ACOT4: variants seen among roughly 807,000 people sequenced by gnomAD.
The protein encoded by ACOT4 is peroxisomal succinyl-coenzyme A thioesterase.
A neutral mutation model predicts 17.1 loss-of-function variants in ACOT4; 18 were observed. The observed-to-expected ratio is 1.05, with a 90% confidence interval of 0.73 to 1.56. ACOT4 has a LOEUF of 1.56. ACOT4 is among the 40% of genes most tolerant of loss of function. The pLI is 0.00. For synonymous variants in ACOT4, 234 were observed against 236.6 expected (o/e 0.99, Z 0.10); for missense variants, 574 against 557.2 (o/e 1.03, Z -0.30).
intron 2 of ACOT4, 114 bp from the exon 3 acceptor site, chr14:73,594,935 C>A: frequency 7.8e-7 from 1 of 1,287,634 alleles, no homozygotes; most frequent in Non-Finnish European, 1.1e-6. Flanking sequence ...AAACTCCTGA[C>A]CTCAAGTGAT....
In ACOT4 at chr14:73,593,014, C is replaced by T. The variant is rs938265194; in HGVS notation, c.457+598C>T. Among the ~76,000 whole-genome samples the T allele has an allele frequency of 3.3e-5, 5 of 152,226 alleles. No homozygotes were observed. In the South Asian group the frequency reaches 8.3e-4, roughly 25 times the overall value. ...GTCGTCAGGTACATTATCCACTTTG[C>T]TATTAATCACTACCCTACAGATTTC... On this transcript the variant is annotated intron_variant, in intron 1 of 2. Transcript: ENST00000326303.
Position 73,592,308 on chromosome 14 carries a change from G to A in ACOT4, c.349G>A (p.Gly117Arg), listed in dbSNP as rs906530384. The A allele has an allele frequency of 6.2e-7, 1 of 1,611,310 alleles. No individual in the cohort carries two copies. The change falls in exon 1 of 3, where the codon GGA (glycine) becomes AGA (arginine). Residue 117 changes from glycine to arginine, a missense_variant. By Grantham distance (125) the Gly-to-Arg change is moderately radical. Transcript: ENST00000326303. ...EVLDGHDPEP[G>R]RLLCQAQHER... The stretch of plus-strand genomic sequence containing the variant: ...GCTGGACGGCCACGACCCCGAGCCT[G>A]GACGGCTGCTGTGCCAGGCGCAGCA...
Position 73,593,757 on chromosome 14 carries a change from G to A in ACOT4, c.513G>A (p.Leu171=), listed in dbSNP as rs1890195450. 1.2e-6 allele frequency: 2 copies of A among 1,613,852 alleles called. No individual in the cohort carries two copies. The change falls in exon 2 of 3, where the codon TTG becomes TTA. Residue 171 remains leucine, a synonymous_variant. Transcript: ENST00000326303. ...TCTTTGGTATTGGAGGGGGCCTCTTGGAATATCGAGCCAGCCTCCTTGCTG... is the reference window on the plus strand; with the variant it reads ...TCTTTGGTATTGGAGGGGGCCTCTTAGAATATCGAGCCAGCCTCCTTGCTG... ...IDIFGIGGGL[L]EYRASLLAGH...
rs1352104078 is a variant in ACOT4 at position 73,592,022 on chromosome 14, T to G, written c.63T>G (p.Ile21Met). ...GRCCWNEPVRIAVRGLAPEQR... is the reference protein window; with the variant it reads ...GRCCWNEPVRMAVRGLAPEQR... The stretch of plus-strand genomic sequence containing the variant: ...GCTGCTGGAACGAGCCGGTGCGCAT[T>G]GCCGTGCGCGGCCTGGCCCCGGAGC... The change falls in exon 1 of 3, where the codon ATT becomes ATG. Residue 21 changes from isoleucine to methionine, a missense_variant. Physicochemically the swap from Ile to Met is conservative, Grantham distance 10 (BLOSUM62 1). Coordinates refer to ENST00000326303, the MANE Select transcript of ACOT4 (RefSeq NM_152331.4). 7.6e-6 allele frequency: 11 copies of G among 1,442,310 alleles called. No individual in the cohort carries two copies. The highest frequency in any genetic ancestry group is 1.0e-5 in the Non-Finnish European group (11 of 1,100,064). 89.3% of individuals were successfully genotyped at this position (1,442,310 alleles called of 1,614,324 possible). A position where few individuals can be genotyped will look rare whatever the true frequency, so the allele number is the denominator to read the frequency against.
In ACOT4 at chr14:73,594,158, TCTA is replaced by T. The variant is rs538868189; in HGVS notation, c.660+257_660+259del. Among the ~76,000 whole-genome samples the T allele has an allele frequency of 2.6e-3, 398 of 152,356 alleles. 8 individuals are homozygous for T. In the South Asian group the frequency reaches 0.042, roughly 16 times the overall value. On this transcript the variant is annotated intron_variant, in intron 2 of 2. Transcript: ENST00000326303. ...TGTATATTGCAAATTGAATTTCTAA[TCTA>T]CTGTCTTTGCATGCTTGTTTTTAAA...
Position 73,593,768 on chromosome 14 carries a change from C to T in ACOT4, c.524C>T (p.Ala175Val). 1 of 1,613,888 alleles carries T rather than the reference C, an allele frequency of 6.2e-7. No homozygotes were observed. The highest frequency in any genetic ancestry group is 1.1e-5 in the South Asian group (1 of 91,064). ...GIGGGLLEYR[A>V]SLLAGHGFAT... ...GGAGGGGGCCTCTTGGAATATCGAG[C>T]CAGCCTCCTTGCTGGCCATGGCTTT... Residue 175 changes from alanine to valine, a missense_variant, in exon 2 of 3, where the codon GCC becomes GTC. Transcript: ENST00000326303.
chr14:73,592,867 GAAAAAA>G (rs1041308970), intron 1 of ACOT4, among the ~76,000 whole-genome samples: 1 of 151,800 alleles, frequency 6.6e-6, no homozygotes, highest in Admixed American at 6.6e-5. Context: ...AAAGAAAAAA[GAAAAAA>G]AAGGATTTTT....
chr14:73,593,928 A>G, intron 2 of ACOT4, 24 bp downstream of exon 2: 1 of 1,583,772 alleles, frequency 6.3e-7, no homozygotes, highest in Non-Finnish European at 8.6e-7. Flanking sequence ...CCTTTATTTA[A>G]TCAGTCTCTC....
rs775576312 is a variant in ACOT4 at position 73,595,543 on chromosome 14, T to G, written c.1155T>G (p.Gly385=). The change falls in exon 3 of 3, where the codon GGT becomes GGG. Residue 385 remains glycine, a synonymous_variant. Coordinates refer to ENST00000326303, the MANE Select transcript of ACOT4 (RefSeq NM_152331.4). The part of the protein sequence containing the change: ...HRLLNKHVIW[G]GEPRAHSKAQ... Reference sequence around the variant, plus strand: ...TACTGAACAAACATGTTATATGGGGTGGGGAGCCCAGGGCTCATTCTAAGG... The same window carrying G: ...TACTGAACAAACATGTTATATGGGGGGGGGAGCCCAGGGCTCATTCTAAGG... 8 of 1,609,052 alleles carry G rather than the reference T, an allele frequency of 5.0e-6. No homozygotes were observed. The highest frequency in any genetic ancestry group is 6.8e-6 in the Non-Finnish European group (8 of 1,176,090).
intron 1 of ACOT4, among the ~76,000 whole-genome samples, chr14:73,592,683 ACT>A (rs1332687698): frequency 6.6e-6 from 1 of 151,828 alleles, no homozygotes; most frequent in Non-Finnish European, 1.5e-5. Flanking sequence ...TGAAACGCTG[ACT>A]CTACCGAAAA....
Position 73,595,338 on chromosome 14 carries a change from C to G in ACOT4, c.950C>G (p.Pro317Arg). ...SMIPIEKAQG[P>R]ILLIVGQDDH... The stretch of plus-strand genomic sequence containing the variant: ...ATTCCAATAGAGAAGGCCCAGGGGC[C>G]CATCCTGCTCATTGTTGGTCAGGAT... The change falls in exon 3 of 3, where the codon CCC (proline) becomes CGC (arginine). Residue 317 changes from proline (P) to arginine (R), a missense_variant. Pro to Arg is a moderately radical substitution (Grantham distance 103). Coordinates refer to ENST00000326303, the MANE Select transcript of ACOT4 (RefSeq NM_152331.4). The G allele has an allele frequency of 6.2e-7, 1 of 1,614,178 alleles. No individual in the cohort carries two copies. Among genetic ancestry groups the G allele is most frequent in the Non-Finnish European group, 8.5e-7 (1 of 1,180,030 alleles).
Position 73,592,065 on chromosome 14 carries a change from G to A in ACOT4, c.106G>A (p.Ala36Thr), listed in dbSNP as rs2140348852. 6.8e-7 allele frequency: 1 copy of A among 1,479,046 alleles called. No homozygotes were observed. The highest frequency in any genetic ancestry group is 9.0e-7 in the Non-Finnish European group (1 of 1,116,920). 91.6% of individuals were successfully genotyped at this position (1,479,046 alleles called of 1,614,324 possible). Residue 36 changes from alanine to threonine, a missense_variant, in exon 1 of 3, where the codon GCG becomes ACG. By Grantham distance (58) the Ala-to-Thr change is moderately conservative (BLOSUM62 0). Coordinates refer to ENST00000326303, the MANE Select transcript of ACOT4 (RefSeq NM_152331.4). Reference protein sequence around the residue: ...LAPEQRVTLRASLRDEKGALF... With the variant: ...LAPEQRVTLRTSLRDEKGALF... ...CCCGGAGCAGCGGGTTACGCTGCGC[G>A]CGTCCCTGCGCGACGAGAAGGGCGC... is the stretch of plus-strand genomic sequence containing the variant.
chr14:73,595,358 C>T lies in ACOT4; in HGVS notation c.970C>T (p.Gln324Ter). Residue 324 changes from glutamine (Q) to a stop codon, truncating the protein, a stop_gained, in exon 3 of 3, where the codon CAG (glutamine) becomes TAG (stop). Coordinates refer to ENST00000326303, the MANE Select transcript of ACOT4 (RefSeq NM_152331.4). LOFTEE classifies it low-confidence loss of function (END_TRUNC). ...GGGGCCCATCCTGCTCATTGTTGGT[C>T]AGGATGACCATAACTGGAGAAGTGA... ...AQGPILLIVG[Q>*]DDHNWRSELY... is the part of the protein sequence containing the mutation. 1 of 1,614,206 alleles carries T rather than the reference C, an allele frequency of 6.2e-7. No individual in the cohort carries two copies. Among genetic ancestry groups the T allele is most frequent in the Non-Finnish European group, 8.5e-7 (1 of 1,180,048 alleles).
At position 73,592,119 on chromosome 14, in the gene ACOT4, GC is replaced by G; in HGVS notation, c.162del (p.Asp55ThrfsTer40). The G allele has an allele frequency of 1.3e-6, 2 of 1,549,758 alleles. No individual in the cohort carries two copies. Among genetic ancestry groups the G allele is most frequent in the South Asian group, 1.2e-5 (1 of 83,320 alleles). ...CTTCCGGGCCCACGCGCGCTACTGC[GC>G]CGACGCCCGCGGCGAGCTGGACCTG... ...ALFRAHARYC[A>X]DARGELDLER... is the part of the protein sequence containing the mutation. On this transcript the variant is annotated frameshift_variant, in exon 1 of 3. Transcript: ENST00000326303. LOFTEE classifies it high-confidence loss of function.
At position 73,595,594 on chromosome 14, in the gene ACOT4, T is replaced by A; in HGVS notation, c.1206T>A (p.Ile402=). The A allele has an allele frequency of 6.4e-7, 1 of 1,567,886 alleles. No homozygotes were observed. Among genetic ancestry groups the A allele is most frequent in the East Asian group, 2.3e-5 (1 of 44,126 alleles). ...SKAQEDAWKQ[I]LAFFCKHLGG... ...CCCAGGAAGATGCCTGGAAGCAAAT[T>A]CTAGCCTTCTTCTGCAAACACCTGG... is the stretch of plus-strand genomic sequence containing the variant. Residue 402 remains isoleucine (I), a synonymous_variant, in exon 3 of 3, where the codon ATT becomes ATA. Coordinates refer to ENST00000326303, the MANE Select transcript of ACOT4 (RefSeq NM_152331.4).
rs1331052197 is a variant in ACOT4 at position 73,592,088 on chromosome 14, C to A, written c.129C>A (p.Gly43=). ...GCGCGTCCCTGCGCGACGAGAAGGGCGCGCTCTTCCGGGCCCACGCGCGCT... is the reference window on the plus strand; with the variant it reads ...GCGCGTCCCTGCGCGACGAGAAGGGAGCGCTCTTCCGGGCCCACGCGCGCT... ...TLRASLRDEK[G]ALFRAHARYC... The change falls in exon 1 of 3, where the codon GGC becomes GGA. Residue 43 remains glycine (G), a synonymous_variant. Transcript: ENST00000326303. 11 of 1,489,718 alleles carry A rather than the reference C, an allele frequency of 7.4e-6. No individual in the cohort carries two copies. In the South Asian group the frequency reaches 7.9e-5, roughly 11 times the overall value. The allele number at this position is 1,489,718 out of a possible 1,614,324, so 92.3% of individuals were successfully genotyped here. A position where few individuals can be genotyped will look rare whatever the true frequency, so the allele number is the denominator to read the frequency against.
chr14:73,593,730 C>T lies in ACOT4; in HGVS notation c.486C>T (p.Asp162=). 1 of 1,612,986 alleles carries T rather than the reference C, an allele frequency of 6.2e-7. No individual in the cohort carries two copies. Among genetic ancestry groups the T allele is most frequent in the Non-Finnish European group, 8.5e-7 (1 of 1,179,322 alleles). Residue 162 remains aspartate, a synonymous_variant, in exon 2 of 3, where the codon GAC becomes GAT. Coordinates refer to ENST00000326303, the MANE Select transcript of ACOT4 (RefSeq NM_152331.4). The part of the protein sequence containing the change: ...PGPGPFPGII[D]IFGIGGGLLE... ...CTGGACCCTTCCCAGGGATCATTGACATCTTTGGTATTGGAGGGGGCCTCT... is the reference window on the plus strand; with the variant it reads ...CTGGACCCTTCCCAGGGATCATTGATATCTTTGGTATTGGAGGGGGCCTCT...
In ACOT4 at chr14:73,592,343, C is replaced by G; in HGVS notation, c.384C>G (p.His128Gln). Residue 128 changes from histidine to glutamine, a missense_variant, in exon 1 of 3, where the codon CAC becomes CAG. Coordinates refer to ENST00000326303, the MANE Select transcript of ACOT4 (RefSeq NM_152331.4). ...TGTGCCAGGCGCAGCACGAGCGCCA[C>G]TTCCTCCCGCCAGGGGTGCGGCGCC... ...RLLCQAQHER[H>Q]FLPPGVRRQS... 1 of 1,598,524 alleles carries G rather than the reference C, an allele frequency of 6.3e-7. No individual in the cohort carries two copies. Among genetic ancestry groups the G allele is most frequent in the Non-Finnish European group, 8.5e-7 (1 of 1,173,768 alleles).
At position 73,595,320 on chromosome 14, in the gene ACOT4, T is replaced by C. The variant is rs1890229534; in HGVS notation, c.932T>C (p.Ile311Thr). The C allele has an allele frequency of 6.2e-7, 1 of 1,614,034 alleles. No individual in the cohort carries two copies. The highest frequency in any genetic ancestry group is 1.3e-5 in the African/African-American group (1 of 74,910). The change falls in exon 3 of 3, where the codon ATA becomes ACA. Residue 311 changes from isoleucine (I) to threonine (T), a missense_variant. By Grantham distance (89) the Ile-to-Thr change is moderately conservative. Transcript: ENST00000326303. ...GGYKNPSMIP[I>T]EKAQGPILLI... ...TACAAGAACCCCAGCATGATTCCAA[T>C]AGAGAAGGCCCAGGGGCCCATCCTG...
Sources: allele counts gnomAD v4.1 joint callset (sites outside exome capture counted in the v4.1 genomes callset), GRCh38; gene constraint gnomAD v4.1.1; transcripts MANE v1.5; gene names NCBI Gene and HGNC (gene_info 2026-07-23, HGNC 2026-07-21).